PSMD5: variants seen among roughly 807,000 people sequenced by gnomAD.
PSMD5 encodes proteasome 26S subunit, non-ATPase 5.
In PSMD5, 40 loss-of-function variants were observed where a neutral mutation model predicts 52.1. The observed-to-expected ratio is 0.77, with a 90% CI of 0.60 to 1.00. PSMD5 has a LOEUF of 1.00. PSMD5 is among the 50% of genes least tolerant of loss of function. The pLI, the probability that PSMD5 is intolerant of heterozygous loss-of-function variation, is 0.00. For synonymous variants in PSMD5, 211 were observed against 226.6 expected (o/e 0.93, Z 0.62); for missense variants, 575 against 605.2 (o/e 0.95, Z 0.52).
At chr9:120,835,190 C>A (rs373269539) in intron 1 of PSMD5, among the ~76,000 whole-genome samples, 1 of 152,090 alleles carries the variant, frequency 6.6e-6, no homozygotes, top group Non-Finnish European at 1.5e-5. Context: ...AAAACTTGTA[C>A]ACAAATGTTC....
chr9:120,831,414 C>G lies in PSMD5; in HGVS notation c.478G>C (p.Glu160Gln). 6.2e-7 allele frequency: 1 copy of G among 1,612,402 alleles called. No homozygotes were observed. Among genetic ancestry groups the G allele is most frequent in the Non-Finnish European group, 8.5e-7 (1 of 1,179,394 alleles). ...SRISLTQAGL[E>Q]ALFESNLLDD... ...AGCAGATTGCTTTCAAATAAAGCCT[C>G]CAGTCCAGCTTGGGTTAGTGATATT... Residue 160 changes from glutamate to glutamine, a missense_variant, in exon 4 of 10, where the codon GAG becomes CAG. Physicochemically the swap from Glu to Gln is conservative, Grantham distance 29. Coordinates refer to ENST00000210313, the MANE Select transcript of PSMD5 (RefSeq NM_005047.4).
At chr9:120,837,910 G>A (rs2045209010) in intron 1 of PSMD5, among the ~76,000 whole-genome samples, 1 of 152,152 alleles carries the variant, frequency 6.6e-6, no homozygotes, top group Non-Finnish European at 1.5e-5. Context: ...TTCATACAAT[G>A]GACTTACACT....
chr9:120,829,320 TA>T, intron 4 of PSMD5, 112 bp from the exon 5 acceptor site: 2 of 1,242,462 alleles, frequency 1.6e-6, no homozygotes, highest in Non-Finnish European at 2.1e-6. Flanking sequence ...AAATGAGTTT[TA>T]AAAAATCCAT....
intron 9 of PSMD5, among the ~76,000 whole-genome samples, chr9:120,818,786 C>T (rs922120422): frequency 2.0e-5 from 3 of 148,424 alleles, no homozygotes; most frequent in African/African-American, 7.4e-5. Context: ...ACTGCAATTA[C>T]TTTTGCACCA....
In PSMD5 at chr9:120,842,760, G is replaced by A; in HGVS notation, c.150C>T (p.Phe50=). 6.2e-7 allele frequency: 1 copy of A among 1,613,320 alleles called. No homozygotes were observed. The highest frequency in any genetic ancestry group is 8.5e-7 in the Non-Finnish European group (1 of 1,180,020). The part of the protein sequence containing the change: ...QAAELRLGPL[F]SLLNENHREK... ...ACCTATGGTTCTCGTTAAGCAGGGA[G>A]AAGAGCGGGCCGAGGCGCAGCTCCG... Residue 50 remains phenylalanine (F), a synonymous_variant, in exon 1 of 10, where the codon TTC becomes TTT. Transcript: ENST00000210313.
chr9:120,829,898 T>C (rs1434649783), intron 4 of PSMD5, among the ~76,000 whole-genome samples: 3 of 152,166 alleles, frequency 2.0e-5, no homozygotes, highest in African/African-American at 4.8e-5. Flanking sequence ...TACTGAGAGA[T>C]ATAGGAAGAC....
At chr9:120,837,926 A>G (rs1397566612) in intron 1 of PSMD5, among the ~76,000 whole-genome samples, 1 of 152,274 alleles carries the variant, frequency 6.6e-6, no homozygotes. Context: ...ACACTCAACA[A>G]TAAAAAGGAA....
At chr9:120,821,135 A>C (rs1057465849) in intron 8 of PSMD5, among the ~76,000 whole-genome samples, 156 bp from the exon 9 acceptor site, 2 of 152,264 alleles carry the variant, frequency 1.3e-5, no homozygotes, top group African/African-American at 4.8e-5. Flanking sequence ...AATCCAGCCC[A>C]GACCTTTCCC....
At position 120,816,161 on chromosome 9, in the gene PSMD5, G is replaced by A. The variant is rs1410581437; in HGVS notation, c.*1745C>T. 6.6e-6 allele frequency: 1 copy of A among 152,348 alleles called. No homozygotes were observed. The highest frequency in any genetic ancestry group is 1.9e-4 in the East Asian group (1 of 5,208). The allele number at this position is 152,348 out of a possible 1,614,324, so 9.4% of individuals were successfully genotyped here. A position where few individuals can be genotyped will look rare whatever the true frequency, so the allele number is the denominator to read the frequency against. On this transcript the variant is annotated 3_prime_UTR_variant, in exon 10 of 10. Transcript: ENST00000210313. ...AGAGGGCATCCCCCCAAAATCTGAT[G>A]TTAAGTGAATAAAATCAATGTCATG...
In PSMD5 at chr9:120,818,174, A is replaced by AG; in HGVS notation, c.1258-12dup. ...TTGGTTTGCAATGGCCTGAAATGGA[A>AG]GGCAGAAAGAATACAATTCCCCTGA... On this transcript the variant is annotated splice_polypyrimidine_tract_variant and intron_variant, in intron 9 of 9. Coordinates refer to ENST00000210313, the MANE Select transcript of PSMD5 (RefSeq NM_005047.4). 4 of 1,605,612 alleles carry AG rather than the reference A, an allele frequency of 2.5e-6. No individual in the cohort carries two copies. The highest frequency in any genetic ancestry group is 2.6e-6 in the Non-Finnish European group (3 of 1,173,580).
chr9:120,831,869 T>C lies in PSMD5; in HGVS notation c.395A>G (p.Tyr132Cys). 6.2e-7 allele frequency: 1 copy of C among 1,613,490 alleles called. No individual in the cohort carries two copies. The change falls in exon 3 of 10, where the codon TAT becomes TGT. Residue 132 changes from tyrosine (Y) to cysteine (C), a missense_variant. Physicochemically the swap from Tyr to Cys is radical, Grantham distance 194. Transcript: ENST00000210313. ...NNAELLKQIVYCIGGENLSVA... is the reference protein window; with the variant it reads ...NNAELLKQIVCCIGGENLSVA... ...AGATAGATTCTCTCCACCAATGCAA[T>C]AAACAATTTGTTTTAGTAATTCAGC...
At position 120,818,118 on chromosome 9, in the gene PSMD5, G is replaced by A. The variant is rs750081398; in HGVS notation, c.1303C>T (p.Pro435Ser). 3 of 1,614,114 alleles carry A rather than the reference G, an allele frequency of 1.9e-6. No individual in the cohort carries two copies. Among genetic ancestry groups the A allele is most frequent in the South Asian group, 1.1e-5 (1 of 91,084 alleles). ...TCCACCACATATTCTACAAAACCTG[G>A]ACTGTTAAACATAAGTTTCTGAGCC... is the stretch of plus-strand genomic sequence containing the variant. ...PWAQKLMFNS[P>S]GFVEYVVDRS... The change falls in exon 10 of 10, where the codon CCA (proline) becomes TCA (serine). Residue 435 changes from proline to serine, a missense_variant. Pro to Ser is a moderately conservative substitution (Grantham distance 74). Transcript: ENST00000210313.
In PSMD5 at chr9:120,829,415, A is replaced by G. The variant is rs145114497; in HGVS notation, c.562-207T>C. ...GATTATTATTATTATTATTTTTGAG[A>G]CAGAGTCTCACTCTGTCACCTAGGC... On this transcript the variant is annotated intron_variant, in intron 4 of 9. Coordinates refer to ENST00000210313, the MANE Select transcript of PSMD5 (RefSeq NM_005047.4). Among the ~76,000 whole-genome samples, 9 of 152,212 alleles carry G rather than the reference A, an allele frequency of 5.9e-5. No individual in the cohort carries two copies. In the East Asian group the frequency reaches 1.7e-3, roughly 29 times the overall value.
rs774138785 is a variant in PSMD5, at chr9:120,821,474, A to G, written c.1007-10T>C. ...CGTTCAAAGCGAGTTCCTTTGAAGG[A>G]TAACAGTGAGATTCTTCTTTATTAT... On this transcript the variant is annotated splice_polypyrimidine_tract_variant and intron_variant, in intron 7 of 9. Coordinates refer to ENST00000210313, the MANE Select transcript of PSMD5 (RefSeq NM_005047.4). The G allele has an allele frequency of 2.0e-6, 3 of 1,531,554 alleles. No individual in the cohort carries two copies. Among genetic ancestry groups the G allele is most frequent in the South Asian group, 1.2e-5 (1 of 83,362 alleles). The allele number at this position is 1,531,554 out of a possible 1,614,324, so 94.9% of individuals were successfully genotyped here.
intron 9 of PSMD5, among the ~76,000 whole-genome samples, chr9:120,819,410 A>G (rs1037188479): frequency 1.4e-4 from 22 of 152,372 alleles, no homozygotes; most frequent in Non-Finnish European, 2.8e-4. Context: ...AATTATTTCT[A>G]CAATGGAACC....
At chr9:120,829,029 C>G in intron 5 of PSMD5, 70 bp downstream of exon 5, 1 of 1,426,836 alleles carries the variant, frequency 7.0e-7, no homozygotes, top group Non-Finnish European at 9.3e-7. Flanking sequence ...GAGAAAATCA[C>G]AGATGTCCCA....
At chr9:120,824,445 C>A (rs572450000) in intron 7 of PSMD5, 49 bp downstream of exon 7, 3 of 1,570,386 alleles carry the variant, frequency 1.9e-6, no homozygotes, top group Non-Finnish European at 2.6e-6. Context: ...ACATATTGAA[C>A]CCCTGTCAAA....
chr9:120,818,058 C>T lies in PSMD5; in HGVS notation c.1363G>A (p.Ala455Thr), dbSNP rs749444251. 3 of 1,614,210 alleles carry T rather than the reference C, an allele frequency of 1.9e-6. No homozygotes were observed. In the South Asian group the frequency reaches 3.3e-5, roughly 18 times the overall value. Residue 455 changes from alanine (A) to threonine (T), a missense_variant, in exon 10 of 10, where the codon GCC (alanine) becomes ACC (threonine). Coordinates refer to ENST00000210313, the MANE Select transcript of PSMD5 (RefSeq NM_005047.4). The part of the protein sequence containing the change: ...SVEHDKASKD[A>T]KYELVKALAN... ...AGTGCTTTCACTAGTTCATATTTGGCATCCTTTGAAGCTTTGTCATGCTCC... is the reference window on the plus strand; with the variant it reads ...AGTGCTTTCACTAGTTCATATTTGGTATCCTTTGAAGCTTTGTCATGCTCC...
chr9:120,831,894 C>A lies in PSMD5; in HGVS notation c.370G>T (p.Ala124Ser). 6 of 1,613,196 alleles carry A rather than the reference C, an allele frequency of 3.7e-6. No individual in the cohort carries two copies. The highest frequency in any genetic ancestry group is 5.1e-6 in the Non-Finnish European group (6 of 1,179,854). Residue 124 changes from alanine to serine, a missense_variant, in exon 3 of 10, where the codon GCT becomes TCT. Physicochemically the swap from Ala to Ser is moderately conservative, Grantham distance 99. Transcript: ENST00000210313. ...TAAACAATTTGTTTTAGTAATTCAG[C>A]ATTATTTAGAATCTCAGTAACAGCA... The part of the protein sequence containing the change: ...SDAVTEILNN[A>S]ELLKQIVYCI...
Sources: gnomAD v4.1 joint callset for allele counts (sites outside exome capture counted in the v4.1 genomes callset) on GRCh38, gnomAD v4.1.1 for gene constraint, MANE v1.5 for transcripts, NCBI Gene and HGNC (gene_info 2026-07-23, HGNC 2026-07-21) for gene names.